UTRN: variants seen among roughly 807,000 people sequenced by gnomAD.
UTRN encodes utrophin, also known as dystrophin-related protein 1.
Under a neutral mutation model 463.9 loss-of-function variants are expected in UTRN, and 283 were observed. The ratio of observed to expected loss-of-function variants is 0.61; its 90% CI spans 0.55 to 0.67. UTRN has a LOEUF of 0.67. Ranked by LOEUF, UTRN falls within the 30% of genes least tolerant of loss-of-function variation. The pLI is 0.00. For missense variants in UTRN, 3,922 were observed against 4,084.3 expected, an observed-to-expected ratio of 0.96 and a Z score of 1.08; for synonymous variants, 1,442 against 1,431.5, an observed-to-expected ratio of 1.01 and a Z score of -0.17.
At chr6:144,556,107 G>A (rs1799361164) in intron 49 of UTRN, among the ~76,000 whole-genome samples, 1 of 152,242 alleles carries the variant, frequency 6.6e-6, no homozygotes, top group East Asian at 1.9e-4. Context: ...TTCTTGAATT[G>A]GAGGTTTTAG....
intron 51 of UTRN, among the ~76,000 whole-genome samples, chr6:144,620,322 G>C (rs1775223579): frequency 6.6e-6 from 1 of 152,092 alleles, no homozygotes; most frequent in Non-Finnish European, 1.5e-5. Flanking sequence ...TCTGATGCCT[G>C]GGTAAATTAA....
intron 51 of UTRN, among the ~76,000 whole-genome samples, chr6:144,658,190 C>T (rs1779517283): frequency 1.3e-5 from 2 of 152,116 alleles, no homozygotes; most frequent in Admixed American, 6.5e-5. Flanking sequence ...AGGTGAAACA[C>T]GTTCTGCTAG....
intron 2 of UTRN, among the ~76,000 whole-genome samples, chr6:144,359,184 C>T (rs921088831): frequency 3.3e-5 from 5 of 152,166 alleles, no homozygotes; most frequent in Non-Finnish European, 4.4e-5. Context: ...GTTTGTCCAC[C>T]GTGAGACAGT....
intron 2 of UTRN, among the ~76,000 whole-genome samples, chr6:144,356,353 T>A (rs1235943409): frequency 6.6e-6 from 1 of 152,164 alleles, no homozygotes; most frequent in East Asian, 1.9e-4. Flanking sequence ...TTTCTATTAA[T>A]GTCTAAAATG....
At chr6:144,581,900 A>G (rs73780780) in intron 51 of UTRN, among the ~76,000 whole-genome samples, 2,509 of 152,136 alleles carry the variant, frequency 0.016, 81 homozygotes, top group African/African-American at 0.058. Flanking sequence ...ATTTCTATCT[A>G]TTTGCCAAAT....
chr6:144,454,634 T>C (rs1419919315), intron 19 of UTRN, among the ~76,000 whole-genome samples: 3 of 152,178 alleles, frequency 2.0e-5, no homozygotes, highest in African/African-American at 7.2e-5. Context: ...TTTAATTTTT[T>C]ATTGTTTGAC....
At chr6:144,815,041 G>A (rs1049011896) in intron 65 of UTRN, among the ~76,000 whole-genome samples, 1 of 152,170 alleles carries the variant, frequency 6.6e-6, no homozygotes, top group African/African-American at 2.4e-5. Flanking sequence ...TGTAATAGTA[G>A]CTAATAAGGA....
At position 144,479,895 on chromosome 6, in the gene UTRN, G is replaced by C; in HGVS notation, c.3420G>C (p.Trp1140Cys). The C allele has an allele frequency of 6.2e-7, 1 of 1,614,220 alleles. No individual in the cohort carries two copies. The highest frequency in any genetic ancestry group is 1.1e-5 in the South Asian group (1 of 91,088). The change falls in exon 26 of 75, where the codon TGG (tryptophan) becomes TGC (cysteine). Residue 1140 changes from tryptophan to cysteine, a missense_variant. Around this residue, in one of 3 missense-constraint regions of UTRN, gnomAD observed 2,349 missense variants for 2,303.8 expected, o/e 1.02. Transcript: ENST00000367545. ...LKKDLAEMQE[W>C]MTQAEEEYLE... Reference sequence around the variant, plus strand: ...AAGACTTGGCAGAGATGCAGGAATGGATGACCCAGGCCGAGGAAGAATATT... The same window carrying C: ...AAGACTTGGCAGAGATGCAGGAATGCATGACCCAGGCCGAGGAAGAATATT...
intron 29 of UTRN, 122 bp from the exon 30 acceptor site, chr6:144,488,551 A>G: frequency 1.2e-6 from 1 of 864,712 alleles, no homozygotes; most frequent in Non-Finnish European, 1.7e-6. Flanking sequence ...TTATTTATTT[A>G]TAAAGAAAGC....
chr6:144,569,916 T>C (rs1056866873), intron 50 of UTRN, among the ~76,000 whole-genome samples: 1 of 152,120 alleles, frequency 6.6e-6, no homozygotes, highest in African/African-American at 2.4e-5. Flanking sequence ...TGTGGCAACC[T>C]CTAGAAGTTG....
rs142010577 is a variant in UTRN, at chr6:144,381,246, T to A, written c.80-21877T>A. On this transcript the variant is annotated intron_variant, in intron 2 of 74. Transcript: ENST00000367545. The stretch of plus-strand genomic sequence containing the variant: ...TATCCATGTGTTGTCATCATTTAGC[T>A]CCCACTTAAAAGTGAGAAATGTGGT... Among the ~76,000 whole-genome samples the A allele has an allele frequency of 9.5e-3, 1,450 of 152,316 alleles. 14 individuals are homozygous for A. The highest frequency in any genetic ancestry group is 0.015 in the Non-Finnish European group (1,053 of 68,016).
At chr6:144,349,662 G>C (rs1777938736) in intron 2 of UTRN, among the ~76,000 whole-genome samples, 1 of 152,142 alleles carries the variant, frequency 6.6e-6, no homozygotes, top group South Asian at 2.1e-4. Flanking sequence ...TTAAGCTGAA[G>C]CTGTGCACTC....
intron 65 of UTRN, among the ~76,000 whole-genome samples, chr6:144,804,230 A>G (rs1777947865): frequency 6.6e-6 from 1 of 152,174 alleles, no homozygotes; most frequent in Non-Finnish European, 1.5e-5. Flanking sequence ...TCTTATCTCA[A>G]ATAAATAAGT....
intron 66 of UTRN, among the ~76,000 whole-genome samples, chr6:144,823,244 A>G (rs908499393): frequency 6.6e-6 from 1 of 152,040 alleles, no homozygotes; most frequent in South Asian, 2.1e-4. Context: ...TCCTTTTTGG[A>G]CAGATTTATG....
At chr6:144,742,842 TCTTTA>T (rs1478160174) in intron 54 of UTRN, among the ~76,000 whole-genome samples, 4 of 152,236 alleles carry the variant, frequency 2.6e-5, no homozygotes, top group African/African-American at 9.6e-5. Context: ...TGAATTTTTT[TCTTTA>T]CTTGATTGTT....
At chr6:144,500,081 C>T (rs1794039656) in intron 34 of UTRN, among the ~76,000 whole-genome samples, 1 of 152,166 alleles carries the variant, frequency 6.6e-6, no homozygotes, top group South Asian at 2.1e-4. Context: ...CATATGAGTG[C>T]ATGTGTCTTT....
intron 58 of UTRN, among the ~76,000 whole-genome samples, chr6:144,769,109 T>A (rs1009685861): frequency 2.0e-5 from 3 of 152,104 alleles, no homozygotes; most frequent in African/African-American, 7.2e-5. Flanking sequence ...TTGAGATTAA[T>A]TAGAACCCAA....
chr6:144,649,108 C>A (rs1248857155), intron 51 of UTRN, among the ~76,000 whole-genome samples: 1 of 151,964 alleles, frequency 6.6e-6, no homozygotes, highest in African/African-American at 2.4e-5. Flanking sequence ...GGTTTTAATG[C>A]AGGGCTTTGA....
At chr6:144,836,241 A>G (rs1326517139) in intron 70 of UTRN, 60 bp from the exon 71 acceptor site, 4 of 1,607,586 alleles carry the variant, frequency 2.5e-6, no homozygotes, top group Non-Finnish European at 3.4e-6. Context: ...CTCACAGACG[A>G]TTTTGGAGAG....
Sources: allele counts gnomAD v4.1 joint callset (sites outside exome capture counted in the v4.1 genomes callset), GRCh38; gene constraint gnomAD v4.1.1; regional missense constraint gnomAD v4.1.1; transcripts MANE v1.5; gene names NCBI Gene and HGNC (gene_info 2026-07-23, HGNC 2026-07-21).